The following RYR2 variants were observed in gnomAD, a reference collection of about 807,000 sequenced individuals.
RYR2 encodes cardiac muscle ryanodine receptor-calcium release channel.
RYR2 carries 227 observed loss-of-function variants against 601.1 expected under a neutral mutation model. That is an observed-to-expected ratio of 0.38 (90% CI 0.34 to 0.42). The LOEUF (loss-of-function observed/expected upper bound fraction) is 0.42, where lower values mean the gene tolerates loss of function less well. Among genes scored for constraint, RYR2 ranks in the 10% least tolerant of loss-of-function variants. RYR2 has a pLI of 1.00. For synonymous variants in RYR2, 2,223 were observed against 2,175.1 expected (o/e 1.02, Z -0.61); for missense variants, 4,646 against 6,156.5 (o/e 0.75, Z 8.21).
intron 25 of RYR2, among the ~76,000 whole-genome samples, chr1:237,539,794 C>T (rs1199213359): frequency 2.0e-5 from 3 of 152,074 alleles, no homozygotes; most frequent in South Asian, 4.1e-4. Flanking sequence ...CCATGGCACA[C>T]GTTTACCTAT....
At chr1:237,384,728 T>A (rs540987419) in intron 8 of RYR2, among the ~76,000 whole-genome samples, 3 of 152,294 alleles carry the variant, frequency 2.0e-5, no homozygotes, top group African/African-American at 7.2e-5. Flanking sequence ...ACAGGCCAAG[T>A]GATCCTACTG....
intron 53 of RYR2, among the ~76,000 whole-genome samples, chr1:237,656,747 A>G (rs926551533): frequency 2.6e-5 from 4 of 152,148 alleles, no homozygotes; most frequent in African/African-American, 9.7e-5. Context: ...GAGGCTTCTG[A>G]GTGGCCCCCA....
chr1:237,632,068 A>T (rs530089358), intron 42 of RYR2, among the ~76,000 whole-genome samples: 41 of 152,100 alleles, frequency 2.7e-4, no homozygotes, highest in African/African-American at 9.4e-4. Flanking sequence ...ATTTTGATAA[A>T]AATTTCCTGT....
At chr1:237,187,528 C>T (rs900302110) in intron 1 of RYR2, among the ~76,000 whole-genome samples, 8 of 145,262 alleles carry the variant, frequency 5.5e-5, no homozygotes, top group Admixed American at 5.0e-4. Flanking sequence ...ACTACAGCCT[C>T]AGCCTCCCAG....
chr1:237,440,525 G>A (rs535014178), intron 12 of RYR2, among the ~76,000 whole-genome samples: 1 of 152,244 alleles, frequency 6.6e-6, no homozygotes, highest in South Asian at 2.1e-4. Context: ...TGTTGGAGGA[G>A]GAAGTGCTGA....
chr1:237,365,697 G>C (rs1700133698), intron 5 of RYR2, among the ~76,000 whole-genome samples: 1 of 152,178 alleles, frequency 6.6e-6, no homozygotes, highest in South Asian at 2.1e-4. Flanking sequence ...AGTTTTTCCT[G>C]CTAAATCTGC....
chr1:237,525,981 A>ATAAT (rs199845222), intron 24 of RYR2, among the ~76,000 whole-genome samples: 5 of 116,374 alleles, frequency 4.3e-5, no homozygotes, highest in African/African-American at 1.2e-4. Context: ...ACTCCTCAAA[A>ATAAT]AAAAAAAATA....
chr1:237,650,103 T>G lies in RYR2; in HGVS notation c.7733+6T>G. 6.2e-7 allele frequency: 1 copy of G among 1,609,848 alleles called. No individual in the cohort carries two copies. Among genetic ancestry groups the G allele is most frequent in the East Asian group, 2.2e-5 (1 of 44,858 alleles). On this transcript the variant is annotated splice_donor_region_variant and intron_variant, in intron 50 of 104. Coordinates refer to ENST00000366574, the MANE Select transcript of RYR2 (RefSeq NM_001035.3). ...TGTTTACTCTCTATTTGTGGGTGAGTGGATAACAAATTCTATTCCGGCTTC... is the reference window on the plus strand; with the variant it reads ...TGTTTACTCTCTATTTGTGGGTGAGGGGATAACAAATTCTATTCCGGCTTC...
At chr1:237,422,086 A>G (rs895725529) in intron 11 of RYR2, among the ~76,000 whole-genome samples, 3 of 152,184 alleles carry the variant, frequency 2.0e-5, no homozygotes, top group Non-Finnish European at 4.4e-5. Context: ...GTTAAGGGAA[A>G]GTCATGCACG....
At chr1:237,630,261 A>G (rs1680110192) in intron 41 of RYR2, among the ~76,000 whole-genome samples, 1 of 152,210 alleles carries the variant, frequency 6.6e-6, no homozygotes, top group African/African-American at 2.4e-5. Flanking sequence ...TAATTTACCT[A>G]AAACTAAAAG....
At chr1:237,144,214 C>T (rs1673719153) in intron 1 of RYR2, among the ~76,000 whole-genome samples, 1 of 152,050 alleles carries the variant, frequency 6.6e-6, no homozygotes, top group Non-Finnish European at 1.5e-5. Flanking sequence ...AAATCTGACC[C>T]TTTTATATAG....
At chr1:237,709,817 A>G (rs546894224) in intron 70 of RYR2, among the ~76,000 whole-genome samples, 5 of 152,326 alleles carry the variant, frequency 3.3e-5, no homozygotes, top group African/African-American at 1.2e-4. Context: ...ATAAAGATGT[A>G]CTATTTTTAC....
At chr1:237,352,452 TA>T (rs1181472574) in intron 3 of RYR2, among the ~76,000 whole-genome samples, 1 of 151,830 alleles carries the variant, frequency 6.6e-6, no homozygotes, top group East Asian at 1.9e-4. Context: ...AAGATGACCT[TA>T]AAAAAAGGAT....
At position 237,288,339 on chromosome 1, in the gene RYR2, G is replaced by A. The variant is rs1204694316; in HGVS notation, c.168+17723G>A. On this transcript the variant is annotated intron_variant, in intron 2 of 104. Coordinates refer to ENST00000366574, the MANE Select transcript of RYR2 (RefSeq NM_001035.3). ...AGAGAGCATCAGCTCTGGTAGTATT[G>A]GGAGGAACTGGCGGTGGGCAGGGCC... 2.0e-5 allele frequency among the ~76,000 whole-genome samples: 3 copies of A among 152,248 alleles called. No individual in the cohort carries two copies. In the East Asian group the frequency reaches 5.8e-4, roughly 30 times the overall value.
chr1:237,246,460 G>A (rs1479542405), intron 1 of RYR2, among the ~76,000 whole-genome samples: 1 of 152,060 alleles, frequency 6.6e-6, no homozygotes, highest in Non-Finnish European at 1.5e-5. Flanking sequence ...AATTAGCTGG[G>A]GGTTGCCAGT....
chr1:237,638,697 C>T (rs574547736), intron 45 of RYR2, among the ~76,000 whole-genome samples: 77 of 152,214 alleles, frequency 5.1e-4, no homozygotes, highest in Non-Finnish European at 9.9e-4. Context: ...AATTTTTAGG[C>T]ATCTAAGTTC....
At chr1:237,515,457 C>T (rs976684215) in intron 24 of RYR2, among the ~76,000 whole-genome samples, 2 of 152,066 alleles carry the variant, frequency 1.3e-5, no homozygotes, top group South Asian at 2.1e-4. Context: ...TGCTTGTGCA[C>T]GTATGTGGTG....
chr1:237,370,089 C>T (rs1263728065), intron 6 of RYR2, among the ~76,000 whole-genome samples: 1 of 151,990 alleles, frequency 6.6e-6, no homozygotes, highest in African/African-American at 2.4e-5. Context: ...CACTAGGCTT[C>T]TCTTGGGCAC....
chr1:237,213,681 T>A (rs901707501), intron 1 of RYR2, among the ~76,000 whole-genome samples: 7 of 152,130 alleles, frequency 4.6e-5, no homozygotes, highest in Non-Finnish European at 1.0e-4. Context: ...GTTTGTAATT[T>A]ACTTTCCACG....
Sources: gnomAD v4.1 joint callset for allele counts (sites outside exome capture counted in the v4.1 genomes callset) on GRCh38, gnomAD v4.1.1 for gene constraint, MANE v1.5 for transcripts, NCBI Gene and HGNC (gene_info 2026-07-23, HGNC 2026-07-21) for gene names.